The following SH3PXD2B variants were observed in gnomAD, a reference collection of about 807,000 sequenced individuals.
The protein encoded by SH3PXD2B is SH3 and PX domain-containing protein 2B.
SH3PXD2B carries 37 observed loss-of-function variants against 73.1 expected under a neutral mutation model. The ratio of observed to expected loss-of-function variants is 0.51; its 90% CI spans 0.39 to 0.67. The LOEUF (loss-of-function observed/expected upper bound fraction) is 0.67, where lower values mean the gene tolerates loss of function less well. SH3PXD2B is among the 30% of genes least tolerant of loss of function. SH3PXD2B has a pLI of 0.00. For synonymous variants in SH3PXD2B, 457 were observed against 480.5 expected (o/e 0.95, Z 0.64); for missense variants, 1,053 against 1,197.8 (o/e 0.88, Z 1.78).
At chr5:172,419,475 T>C (rs1448039622) in intron 2 of SH3PXD2B, among the ~76,000 whole-genome samples, 1 of 152,118 alleles carries the variant, frequency 6.6e-6, no homozygotes, top group African/African-American at 2.4e-5. Flanking sequence ...CCAGAAACTC[T>C]AGTGCTTTGA....
chr5:172,444,102 T>C (rs975752543), intron 1 of SH3PXD2B, among the ~76,000 whole-genome samples: 9 of 152,178 alleles, frequency 5.9e-5, no homozygotes, highest in Admixed American at 5.9e-4. Flanking sequence ...TCCCTCTCAC[T>C]ACCAGTGATT....
At chr5:172,423,643 G>C (rs957590334) in intron 1 of SH3PXD2B, among the ~76,000 whole-genome samples, 2 of 151,892 alleles carry the variant, frequency 1.3e-5, no homozygotes, top group Non-Finnish European at 2.9e-5. Context: ...GTCTGTCCTG[G>C]GACTTTTTTG....
chr5:172,437,967 A>G (rs1235698799), intron 1 of SH3PXD2B, among the ~76,000 whole-genome samples: 1 of 152,138 alleles, frequency 6.6e-6, no homozygotes, highest in African/African-American at 2.4e-5. Flanking sequence ...TCATTCATTC[A>G]TTCATTTGGC....
Position 172,445,424 on chromosome 5 carries a change from G to A in SH3PXD2B, c.75+8854C>T, listed in dbSNP as rs1759640308. Among the ~76,000 whole-genome samples the A allele has an allele frequency of 6.6e-6, 1 of 151,910 alleles. No homozygotes were observed. On this transcript the variant is annotated intron_variant, in intron 1 of 12. Transcript: ENST00000311601. This position sits in a 1 kb window ranked among gnomAD's most constrained non-coding sequence, Gnocchi z 5.2. ...GAGGTCTCACTATGTTCCCCAGGCT[G>A]GTATTGAACTCCTGGGCTCAAGCGA...
Position 172,354,053 on chromosome 5 carries a change from T to C in SH3PXD2B, c.668-48A>G, listed in dbSNP as rs776895976. On this transcript the variant is annotated intron_variant, in intron 8 of 12. Transcript: ENST00000311601. Reference sequence around the variant, plus strand: ...GGGTCAGAAGAGGACACCAAGAGGCTTGGGATGCCGTAATCCCCGTGATGC... The same window carrying C: ...GGGTCAGAAGAGGACACCAAGAGGCCTGGGATGCCGTAATCCCCGTGATGC... 2.6e-6 allele frequency: 4 copies of C among 1,548,930 alleles called. No individual in the cohort carries two copies. The Admixed American group carries it at 6.7e-5, about 26-fold the overall frequency.
At chr5:172,347,397 G>A (rs1042870533) in intron 10 of SH3PXD2B, 65 bp from the exon 11 acceptor site, 3 of 1,545,404 alleles carry the variant, frequency 1.9e-6, no homozygotes, top group African/African-American at 1.4e-5. Flanking sequence ...TGGGTGCCAG[G>A]TCGGGTCTAT....
intron 6 of SH3PXD2B, among the ~76,000 whole-genome samples, chr5:172,369,287 G>A (rs911146755): frequency 4.0e-5 from 6 of 151,476 alleles, no homozygotes; most frequent in Admixed American, 4.0e-4. Context: ...AAGGAGAAGA[G>A]GAATGAGAAA....
At chr5:172,343,587 G>A (rs1756906743) in intron 12 of SH3PXD2B, among the ~76,000 whole-genome samples, 1 of 152,114 alleles carries the variant, frequency 6.6e-6, no homozygotes, top group African/African-American at 2.4e-5. Flanking sequence ...GATCACCTGA[G>A]GTCAGGAGTT....
At chr5:172,370,884 A>G (rs1399461136) in intron 6 of SH3PXD2B, among the ~76,000 whole-genome samples, 1 of 152,242 alleles carries the variant, frequency 6.6e-6, no homozygotes. Context: ...CTATAATGCC[A>G]TAATAATTGC....
downstream of SH3PXD2B, among the ~76,000 whole-genome samples, chr5:172,332,934 ATGTTTTTTTT>A (rs1381540856): frequency 7.2e-6 from 1 of 139,110 alleles, no homozygotes; most frequent in Non-Finnish European, 1.6e-5. Context: ...CCACCGCACA[ATGTTTTTTTT>A]TTTTTTTTTG....
chr5:172,453,015 A>T (rs368058139), intron 1 of SH3PXD2B, among the ~76,000 whole-genome samples: 1 of 151,842 alleles, frequency 6.6e-6, no homozygotes, highest in Non-Finnish European at 1.5e-5. Flanking sequence ...CACACAGCAC[A>T]CCCTTTCTTG....
At chr5:172,393,884 A>C (rs943221405) in intron 4 of SH3PXD2B, among the ~76,000 whole-genome samples, 49 of 152,214 alleles carry the variant, frequency 3.2e-4, no homozygotes, top group African/African-American at 1.2e-3. Context: ...GGATTGGCTA[A>C]ATAACTTTGG....
At chr5:172,426,161 C>T (rs1372356516) in intron 1 of SH3PXD2B, among the ~76,000 whole-genome samples, 1 of 152,222 alleles carries the variant, frequency 6.6e-6, no homozygotes, top group East Asian at 1.9e-4. Flanking sequence ...AGTGCAAGGA[C>T]TCTGCAGCAA....
At chr5:172,373,344 C>A (rs559076627) in intron 6 of SH3PXD2B, among the ~76,000 whole-genome samples, 2 of 152,196 alleles carry the variant, frequency 1.3e-5, no homozygotes, top group South Asian at 2.1e-4. Flanking sequence ...TCCCTTATCA[C>A]ACCTGAGAAG....
intron 1 of SH3PXD2B, among the ~76,000 whole-genome samples, chr5:172,453,993 G>T (rs895326331): frequency 6.6e-6 from 1 of 151,946 alleles, no homozygotes; most frequent in Admixed American, 6.5e-5. Context: ...GAGTTGGGGG[G>T]ACACGGAGAA....
intron 1 of SH3PXD2B, among the ~76,000 whole-genome samples, chr5:172,431,188 A>AC (rs1326499423): frequency 2.6e-5 from 4 of 152,236 alleles, no homozygotes; most frequent in South Asian, 2.1e-4. Context: ...GTTCTGCCTA[A>AC]CCCCCATGGC....
Position 172,334,420 on chromosome 5 carries a change from CCA to C in SH3PXD2B, c.*3947_*3948del, listed in dbSNP as rs796600403. The C allele has an allele frequency of 5.5e-5, 54 of 988,634 alleles. No homozygotes were observed. The African/African-American group carries it at 8.4e-4, about 15-fold the overall frequency. 61.2% of individuals were successfully genotyped at this position (988,634 alleles called of 1,614,324 possible). Reference sequence around the variant, plus strand: ...GCATGCTGCTCTACCTCTCATCAGCCCACAGTCTGACACGAGGTCATCTTTGG... The same window carrying C: ...GCATGCTGCTCTACCTCTCATCAGCCCAGTCTGACACGAGGTCATCTTTGG... On this transcript the variant is annotated 3_prime_UTR_variant, in exon 13 of 13. Coordinates refer to ENST00000311601, the MANE Select transcript of SH3PXD2B (RefSeq NM_001017995.3).
chr5:172,367,437 G>A (rs1412126777), intron 6 of SH3PXD2B, among the ~76,000 whole-genome samples: 7 of 139,278 alleles, frequency 5.0e-5, no homozygotes, highest in Non-Finnish European at 9.3e-5. Context: ...CATGTTGCCC[G>A]GACTGGTCTT....
chr5:172,452,127 AT>A (rs1166671614), intron 1 of SH3PXD2B, among the ~76,000 whole-genome samples: 1 of 152,204 alleles, frequency 6.6e-6, no homozygotes, highest in African/African-American at 2.4e-5. Context: ...GCAGCCTGTC[AT>A]GCGGCTGCTA....
Sources: gnomAD v4.1 joint callset for allele counts (sites outside exome capture counted in the v4.1 genomes callset) on GRCh38, gnomAD v4.1.1 for gene constraint, Gnocchi (gnomAD v3.1) non-coding constraint, MANE v1.5 for transcripts, NCBI Gene and HGNC (gene_info 2026-07-23, HGNC 2026-07-21) for gene names.